The following TENM2 variants were observed in gnomAD, a reference collection of about 807,000 sequenced individuals.
TENM2 encodes teneurin transmembrane protein 2.
TENM2 carries 52 observed loss-of-function variants against 245.2 expected under a neutral mutation model. That is an observed-to-expected ratio of 0.21 (90% confidence interval 0.17 to 0.27). The LOEUF (loss-of-function observed/expected upper bound fraction) is 0.27, where lower values mean the gene tolerates loss of function less well. TENM2 is among the 10% of genes least tolerant of loss of function. TENM2 has a pLI of 1.00. For synonymous variants in TENM2, 1,363 were observed against 1,438.9 expected (o/e 0.95, Z 1.19); for missense variants, 3,046 against 3,666.8 (o/e 0.83, Z 4.37).
At chr5:167,221,124 G>A in the TENM2 span, among the ~76,000 whole-genome samples, 1 of 152,122 alleles carries the variant, frequency 6.6e-6, no homozygotes, top group Non-Finnish European at 1.5e-5. Flanking sequence ...CACCGCACCT[G>A]GCTGTATCAA....
intron 2 of TENM2, among the ~76,000 whole-genome samples, chr5:167,440,108 C>G (rs1000496043): frequency 5.9e-5 from 9 of 152,082 alleles, no homozygotes; most frequent in African/African-American, 2.2e-4. Flanking sequence ...AATGGTCTAT[C>G]CAGCCCTTTA....
chr5:167,953,249 A>C, intron 4 of TENM2: 1 of 204,630 alleles, frequency 4.9e-6, no homozygotes, highest in Non-Finnish European at 1.0e-5. Flanking sequence ...CCTGATTCCA[A>C]ACTGACAGAA....
Position 167,811,274 on chromosome 5 carries a change from G to A in TENM2, c.503-64712G>A, listed in dbSNP as rs574591189. Among the ~76,000 whole-genome samples, 23 of 152,190 alleles carry A rather than the reference G, an allele frequency of 1.5e-4. No individual in the cohort carries two copies. The South Asian group carries it at 4.8e-3, about 32-fold the overall frequency. On this transcript the variant is annotated intron_variant, in intron 2 of 28. Transcript: ENST00000518659. ...TCATTGTTGGAGGTGGGGTCAGATG[G>A]GAGGTGTTTGGTTTATGGGGATGGA... is the stretch of plus-strand genomic sequence containing the variant.
intron 2 of TENM2, among the ~76,000 whole-genome samples, chr5:167,837,299 G>A (rs1442222099): frequency 2.0e-5 from 3 of 151,920 alleles, no homozygotes; most frequent in Non-Finnish European, 4.4e-5. Context: ...TGCATATTTT[G>A]TATACATCAC....
At chr5:167,155,433 G>A in the TENM2 span, among the ~76,000 whole-genome samples, 7 of 152,274 alleles carry the variant, frequency 4.6e-5, no homozygotes, top group East Asian at 9.7e-4. Context: ...GCACTAGTGT[G>A]CGTTGAGATA....
At chr5:167,845,524 A>G (rs12716236) in intron 2 of TENM2, among the ~76,000 whole-genome samples, 96,064 of 151,940 alleles carry the variant, frequency 0.63, 32,295 homozygotes, top group South Asian at 0.77. Context: ...CTTTGTACAG[A>G]CCCCTTTAAC....
intron 9 of TENM2, among the ~76,000 whole-genome samples, chr5:168,117,906 G>A (rs1234711014): frequency 6.6e-6 from 1 of 152,186 alleles, no homozygotes; most frequent in Non-Finnish European, 1.5e-5. Context: ...GGGCCAACCT[G>A]GTTCCCAGCC....
intron 5 of TENM2, among the ~76,000 whole-genome samples, chr5:168,028,462 T>TC (rs1786818998): frequency 6.6e-6 from 1 of 152,088 alleles, no homozygotes; most frequent in African/African-American, 2.4e-5. Context: ...AGTGCTTTTC[T>TC]CCCCAAAGAA....
chr5:167,697,627 C>T (rs546879518), intron 2 of TENM2, among the ~76,000 whole-genome samples: 14 of 152,244 alleles, frequency 9.2e-5, no homozygotes, highest in Admixed American at 7.2e-4. Context: ...CAGGTTCAAG[C>T]GATTCTCCTG....
At chr5:167,431,962 T>TATATATATATA (rs1491109989) in intron 2 of TENM2, among the ~76,000 whole-genome samples, 7 of 124,118 alleles carry the variant, frequency 5.6e-5, no homozygotes, top group African/African-American at 2.8e-4. Context: ...TATATATATG[T>TATATATATATA]ATATATATAT....
At chr5:168,004,535 A>G (rs1784676179) in intron 5 of TENM2, among the ~76,000 whole-genome samples, 1 of 151,854 alleles carries the variant, frequency 6.6e-6, no homozygotes, top group African/African-American at 2.4e-5. Flanking sequence ...ACACACACAC[A>G]CACACACACA....
intron 2 of TENM2, among the ~76,000 whole-genome samples, chr5:167,691,238 C>T (rs1757414024): frequency 6.6e-6 from 1 of 152,126 alleles, no homozygotes; most frequent in Non-Finnish European, 1.5e-5. Flanking sequence ...CCCCAACCTT[C>T]ATTTACCTTT....
exon 15 of TENM2, chr5:168,195,256 A>G: frequency 1.9e-6 from 3 of 1,604,316 alleles, no homozygotes; most frequent in African/African-American, 2.7e-5. Context: ...TTTGTCAAGT[A>G]CCCAAAATAC....
intron 2 of TENM2, among the ~76,000 whole-genome samples, chr5:167,387,471 T>G (rs568550388): frequency 6.6e-6 from 1 of 152,204 alleles, no homozygotes; most frequent in South Asian, 2.1e-4. Context: ...CAAACAGTGA[T>G]GGTTTGACTT....
chr5:167,067,571 G>A, the TENM2 span, among the ~76,000 whole-genome samples: 1 of 152,120 alleles, frequency 6.6e-6, no homozygotes, highest in Non-Finnish European at 1.5e-5. Context: ...TTTTTGAATG[G>A]AAGTGGTTTT....
intron 2 of TENM2, among the ~76,000 whole-genome samples, chr5:167,483,580 A>G (rs1319554707): frequency 6.6e-6 from 1 of 152,200 alleles, no homozygotes; most frequent in African/African-American, 2.4e-5. Context: ...AAGAAAAGAA[A>G]TGTTTAAACA....
chr5:167,547,185 A>C (rs1388053532), intron 2 of TENM2, among the ~76,000 whole-genome samples: 1 of 152,190 alleles, frequency 6.6e-6, no homozygotes, highest in Non-Finnish European at 1.5e-5. Context: ...TACCAGGTTC[A>C]AGCGATTCTG....
At chr5:167,371,659 C>T (rs903676165) in intron 1 of TENM2, among the ~76,000 whole-genome samples, 21 of 152,226 alleles carry the variant, frequency 1.4e-4, no homozygotes, top group Non-Finnish European at 2.6e-4. Context: ...CTGCGCCCGG[C>T]CTGTTCTTTT....
intron 2 of TENM2, among the ~76,000 whole-genome samples, chr5:167,801,218 A>G (rs1765745319): frequency 6.8e-6 from 1 of 147,170 alleles, no homozygotes; most frequent in Non-Finnish European, 1.5e-5. Context: ...TGGCAATTTC[A>G]TATTAGTAAA....
Sources: gnomAD v4.1 joint callset for allele counts (sites outside exome capture counted in the v4.1 genomes callset) on GRCh38, gnomAD v4.1.1 for gene constraint, MANE v1.5 for transcripts, NCBI Gene and HGNC (gene_info 2026-07-23, HGNC 2026-07-21) for gene names.